The following GLIS1 variants were observed in gnomAD, a reference collection of about 807,000 sequenced individuals.
The protein encoded by GLIS1 is zinc finger protein GLIS1.
In GLIS1, 24 loss-of-function variants were observed where a neutral mutation model predicts 63.8. The observed-to-expected ratio is 0.38, with a 90% CI of 0.27 to 0.53. GLIS1 has a LOEUF of 0.53. Among genes scored for constraint, GLIS1 ranks in the 20% least tolerant of loss-of-function variants. The probability of loss-of-function intolerance (pLI) is 0.85; values close to 1 mark genes in which losing one functional copy is unlikely to be tolerated. For synonymous variants in GLIS1, 450 were observed against 482.5 expected, an observed-to-expected ratio of 0.93 and a Z score of 0.88; for missense variants, 1,036 against 1,074.1, an observed-to-expected ratio of 0.96 and a Z score of 0.50.
At chr1:53,629,033 C>A (rs192581267) in intron 2 of GLIS1, among the ~76,000 whole-genome samples, 2 of 152,246 alleles carry the variant, frequency 1.3e-5, no homozygotes, top group Admixed American at 6.5e-5. Context: ...CTGATCTGAT[C>A]TCCCAGACTG....
chr1:53,589,412 G>T (rs549206121), intron 4 of GLIS1, among the ~76,000 whole-genome samples: 1 of 152,190 alleles, frequency 6.6e-6, no homozygotes, highest in South Asian at 2.1e-4. Context: ...CTGGCGGAGG[G>T]GGGTAAAGGT....
chr1:53,638,557 A>C (rs1212737773), intron 2 of GLIS1, among the ~76,000 whole-genome samples: 2 of 151,964 alleles, frequency 1.3e-5, no homozygotes, highest in Non-Finnish European at 2.9e-5. Context: ...CCCCACTGCC[A>C]CCCAATCCCA....
intron 2 of GLIS1, among the ~76,000 whole-genome samples, chr1:53,602,657 G>A (rs1402315373): frequency 6.6e-5 from 10 of 152,200 alleles, no homozygotes; most frequent in Admixed American, 6.5e-4. Context: ...GGCAGGGGCA[G>A]GACAGCCATT....
chr1:53,725,559 G>C (rs980451478), intron 2 of GLIS1, among the ~76,000 whole-genome samples: 1 of 152,126 alleles, frequency 6.6e-6, no homozygotes, highest in Non-Finnish European at 1.5e-5. Flanking sequence ...CTGGAAACCC[G>C]GCCAGCCTGA....
intron 4 of GLIS1, among the ~76,000 whole-genome samples, chr1:53,556,213 GGT>G (rs1436956514): frequency 1.9e-4 from 19 of 101,534 alleles, no homozygotes; most frequent in South Asian, 7.1e-4. Flanking sequence ...GTGTATTGCA[GGT>G]GTGTGTGTAT....
intron 4 of GLIS1, among the ~76,000 whole-genome samples, chr1:53,540,209 C>T (rs1318861983): frequency 1.3e-5 from 2 of 152,172 alleles, no homozygotes; most frequent in Non-Finnish European, 2.9e-5. Context: ...CAGCCTGCCC[C>T]GCCCACACAG....
At chr1:53,514,894 T>C in intron 7 of GLIS1, 113 bp from the exon 8 acceptor site, 1 of 1,269,558 alleles carries the variant, frequency 7.9e-7, no homozygotes, top group African/African-American at 1.5e-5. Context: ...AGAGGGAAAA[T>C]GAACAACGTT....
intron 2 of GLIS1, among the ~76,000 whole-genome samples, chr1:53,729,447 C>T (rs907125531): frequency 4.6e-5 from 7 of 152,048 alleles, no homozygotes; most frequent in African/African-American, 7.2e-5. Flanking sequence ...CTGGGGTTGA[C>T]GGGGGGTACG....
chr1:53,637,944 C>T (rs925398345), intron 2 of GLIS1, among the ~76,000 whole-genome samples: 1 of 152,224 alleles, frequency 6.6e-6, no homozygotes. Flanking sequence ...TGGGGCCTGG[C>T]TGGAGGGCCA....
At chr1:53,632,544 G>A (rs1645668167) in intron 2 of GLIS1, among the ~76,000 whole-genome samples, 1 of 147,536 alleles carries the variant, frequency 6.8e-6, no homozygotes. Flanking sequence ...GAATGTGACT[G>A]AGGGACATGT....
chr1:53,591,494 A>G (rs1645193027), intron 4 of GLIS1, among the ~76,000 whole-genome samples: 1 of 152,264 alleles, frequency 6.6e-6, no homozygotes, highest in Non-Finnish European at 1.5e-5. Context: ...AATGGTTACT[A>G]GCTGTGTAAC....
chr1:53,702,344 C>T (rs1053554211), intron 2 of GLIS1, among the ~76,000 whole-genome samples: 1 of 152,218 alleles, frequency 6.6e-6, no homozygotes, highest in African/African-American at 2.4e-5. Flanking sequence ...AGCAGGTGAG[C>T]TGGCACACAG....
chr1:53,544,932 G>A (rs1644682823), intron 4 of GLIS1, among the ~76,000 whole-genome samples: 1 of 152,082 alleles, frequency 6.6e-6, no homozygotes, highest in African/African-American at 2.4e-5. Flanking sequence ...AACCTCCAAG[G>A]ACCTCATGTT....
intron 2 of GLIS1, among the ~76,000 whole-genome samples, chr1:53,688,327 T>C (rs1404433238): frequency 6.6e-6 from 1 of 152,212 alleles, no homozygotes; most frequent in Admixed American, 6.5e-5. Flanking sequence ...TCTGAGCACT[T>C]TGCAGGGTAG....
chr1:53,669,831 A>G (rs1244322302), intron 2 of GLIS1, among the ~76,000 whole-genome samples: 1 of 152,232 alleles, frequency 6.6e-6, no homozygotes, highest in African/African-American at 2.4e-5. Flanking sequence ...TGAATGGCCC[A>G]TCTGTTGGCT....
chr1:53,577,570 A>C (rs1645044958), intron 4 of GLIS1, among the ~76,000 whole-genome samples: 1 of 152,184 alleles, frequency 6.6e-6, no homozygotes, highest in Non-Finnish European at 1.5e-5. Context: ...AGCAGGGTCC[A>C]GCCCCTATCC....
chr1:53,706,833 C>T (rs140705907), intron 2 of GLIS1, among the ~76,000 whole-genome samples: 2 of 152,260 alleles, frequency 1.3e-5, no homozygotes, highest in East Asian at 1.9e-4. Flanking sequence ...AGCAGGAACT[C>T]GGGGTATACT....
At chr1:53,509,070 T>C (rs1644267645) in intron 10 of GLIS1, 50 bp downstream of exon 10, 2 of 1,494,322 alleles carry the variant, frequency 1.3e-6, no homozygotes, top group African/African-American at 1.4e-5. Context: ...CAGCACTGGG[T>C]TGAGCCTCGG....
At chr1:53,690,474 G>C (rs1201489622) in intron 2 of GLIS1, among the ~76,000 whole-genome samples, 1 of 152,252 alleles carries the variant, frequency 6.6e-6, no homozygotes, top group Non-Finnish European at 1.5e-5. Flanking sequence ...CAAATGGTCA[G>C]TTTGGAGGGT....
Sources: gnomAD v4.1 joint callset for allele counts (sites outside exome capture counted in the v4.1 genomes callset) on GRCh38, gnomAD v4.1.1 for gene constraint, MANE v1.5 for transcripts, NCBI Gene and HGNC (gene_info 2026-07-23, HGNC 2026-07-21) for gene names.